The following NRXN3 variants were observed in gnomAD, a reference collection of about 807,000 sequenced individuals.
NRXN3 encodes neurexin 3, also known as neurexin III.
In NRXN3, 32 loss-of-function variants were observed where a neutral mutation model predicts 137.6. The ratio of observed to expected loss-of-function variants is 0.23; its 90% CI spans 0.18 to 0.31. The LOEUF (loss-of-function observed/expected upper bound fraction) is 0.31. NRXN3 is among the 10% of genes least tolerant of loss of function. NRXN3 has a pLI of 1.00. For synonymous variants in NRXN3, 798 were observed against 784.5 expected, an observed-to-expected ratio of 1.02 and a Z score of -0.29; for missense variants, 1,574 against 2,062.5, an observed-to-expected ratio of 0.76 and a Z score of 4.59.
At chr14:79,401,948 GCT>G (rs1286589253) in intron 15 of NRXN3, among the ~76,000 whole-genome samples, 1 of 151,270 alleles carries the variant, frequency 6.6e-6, no homozygotes, top group African/African-American at 2.4e-5. Flanking sequence ...ACAGGGTCTT[GCT>G]CTGTCACCCA....
intron 5 of NRXN3, chr14:78,649,174 C>A: frequency 2.5e-6 from 2 of 792,622 alleles, no homozygotes; most frequent in Non-Finnish European, 3.8e-6. Flanking sequence ...AATGTACTAA[C>A]ACCCTAACGA....
intron 19 of NRXN3, among the ~76,000 whole-genome samples, chr14:79,711,947 G>A (rs2098805910): frequency 2.0e-5 from 3 of 152,106 alleles, no homozygotes; most frequent in Admixed American, 6.6e-5. Context: ...AAGGCCAGCT[G>A]AGGTCTCTAT....
chr14:78,955,392 C>G, intron 10 of NRXN3, among the ~76,000 whole-genome samples: 1 of 152,132 alleles, frequency 6.6e-6, no homozygotes, highest in South Asian at 2.1e-4. Context: ...AGTATCTAAT[C>G]AGTTGAAAAT....
At chr14:78,411,662 C>T (rs745328362) in intron 4 of NRXN3, among the ~76,000 whole-genome samples, 1 of 152,192 alleles carries the variant, frequency 6.6e-6, no homozygotes, top group Non-Finnish European at 1.5e-5. Context: ...GCCCAGAGGA[C>T]CTCATCTGGT....
intron 4 of NRXN3, among the ~76,000 whole-genome samples, chr14:78,382,934 G>A (rs1397850767): frequency 6.6e-6 from 1 of 152,038 alleles, no homozygotes; most frequent in Admixed American, 6.6e-5. Flanking sequence ...GGAGGAGGGG[G>A]GCAATCTCCC....
chr14:78,443,820 C>G (rs139616255), intron 4 of NRXN3, among the ~76,000 whole-genome samples: 1 of 152,292 alleles, frequency 6.6e-6, no homozygotes, highest in East Asian at 1.9e-4. Flanking sequence ...TATTTTCTCC[C>G]TCATACCCAT....
chr14:78,196,872 G>C (rs1320992312), intron 1 of NRXN3, among the ~76,000 whole-genome samples: 2 of 152,196 alleles, frequency 1.3e-5, no homozygotes, highest in Non-Finnish European at 2.9e-5. Flanking sequence ...ACAGCCCTAG[G>C]TTATTGGGGG....
chr14:79,625,364 T>C (rs2098271136), intron 16 of NRXN3, among the ~76,000 whole-genome samples: 2 of 152,182 alleles, frequency 1.3e-5, no homozygotes, highest in South Asian at 4.2e-4. Flanking sequence ...ATGAACCAAC[T>C]ATCAGGGGAT....
intron 4 of NRXN3, among the ~76,000 whole-genome samples, chr14:78,549,689 G>T (rs2096668362): frequency 6.6e-6 from 1 of 152,152 alleles, no homozygotes; most frequent in South Asian, 2.1e-4. Context: ...ATCATTTCAT[G>T]ATTTGCTATC....
chr14:79,498,722 G>C (rs1042095781), intron 16 of NRXN3, among the ~76,000 whole-genome samples: 4 of 152,180 alleles, frequency 2.6e-5, no homozygotes, highest in Non-Finnish European at 4.4e-5. Flanking sequence ...GAAGCCACTC[G>C]AGTCATCTCT....
intron 6 of NRXN3, among the ~76,000 whole-genome samples, chr14:78,657,546 T>C (rs1442863833): frequency 6.6e-6 from 1 of 152,172 alleles, no homozygotes; most frequent in Non-Finnish European, 1.5e-5. Context: ...ATAGAACACA[T>C]ATTTAAAGGA....
intron 15 of NRXN3, among the ~76,000 whole-genome samples, chr14:79,353,924 C>T (rs552191532): frequency 4.6e-5 from 7 of 152,058 alleles, no homozygotes; most frequent in Non-Finnish European, 8.8e-5. Context: ...GTCATCAACT[C>T]GGATAAGGCA....
intron 4 of NRXN3, among the ~76,000 whole-genome samples, chr14:78,491,318 A>G (rs2095663159): frequency 6.6e-6 from 1 of 152,150 alleles, no homozygotes; most frequent in African/African-American, 2.4e-5. Flanking sequence ...GATTCTGGTC[A>G]AGTCCTTCCT....
In NRXN3 at chr14:79,174,996, T is replaced by C. The variant is rs1290125994; in HGVS notation, c.3262+186855T>C. 2.6e-5 allele frequency among the ~76,000 whole-genome samples: 3 copies of C among 114,092 alleles called. No individual in the cohort carries two copies. In the East Asian group the frequency reaches 7.5e-4, roughly 29 times the overall value. The allele number at this position is 114,092 out of a possible 152,430, so 74.8% of individuals were successfully genotyped here. ...CAGATTTCCTTTTTTTTTTTTTTTT[T>C]CTGAGGCGGAGTCTCTCTCTGTTGC... is the stretch of plus-strand genomic sequence containing the variant. On this transcript the variant is annotated intron_variant, in intron 15 of 20. Coordinates refer to ENST00000335750, the MANE Select transcript of NRXN3 (RefSeq NM_001330195.2).
intron 15 of NRXN3, among the ~76,000 whole-genome samples, chr14:79,168,688 ATTC>A (rs145088566): frequency 0.024 from 3,572 of 151,886 alleles, 123 homozygotes; most frequent in South Asian, 0.067. Context: ...TCATCTTTGT[ATTC>A]TTCTTGAAGC....
chr14:78,940,118 C>G (rs2099350198), intron 10 of NRXN3, among the ~76,000 whole-genome samples: 1 of 152,134 alleles, frequency 6.6e-6, no homozygotes, highest in Admixed American at 6.5e-5. Flanking sequence ...GACTCATTTC[C>G]TACCTCTCAT....
intron 15 of NRXN3, among the ~76,000 whole-genome samples, chr14:79,377,910 G>A (rs992109339): frequency 6.6e-6 from 1 of 152,126 alleles, no homozygotes; most frequent in South Asian, 2.1e-4. Flanking sequence ...GGAACAGCTG[G>A]GATATCAGTT....
At chr14:78,901,266 G>T (rs2099195331) in intron 10 of NRXN3, among the ~76,000 whole-genome samples, 1 of 151,618 alleles carries the variant, frequency 6.6e-6, no homozygotes, top group Non-Finnish European at 1.5e-5. Flanking sequence ...CCAACCTCAT[G>T]ATTTCCTGGA....
intron 15 of NRXN3, among the ~76,000 whole-genome samples, chr14:79,304,148 G>A (rs2085633013): frequency 6.6e-6 from 1 of 152,072 alleles, no homozygotes; most frequent in African/African-American, 2.4e-5. Context: ...CATAGAGATT[G>A]GTGGTGTGGG....
Sources: gnomAD v4.1 joint callset for allele counts (sites outside exome capture counted in the v4.1 genomes callset) on GRCh38, gnomAD v4.1.1 for gene constraint, MANE v1.5 for transcripts, NCBI Gene and HGNC (gene_info 2026-07-23, HGNC 2026-07-21) for gene names.